GSS: variants seen among roughly 807,000 people sequenced by gnomAD.
GSS encodes glutathione synthetase, also known as GSH synthetase.
Under a neutral mutation model 60.4 loss-of-function variants are expected in GSS, and 34 were observed. The ratio of observed to expected loss-of-function variants is 0.56; its 90% CI spans 0.43 to 0.75. The LOEUF (loss-of-function observed/expected upper bound fraction) is 0.75. GSS is among the 30% of genes least tolerant of loss of function. The pLI is 0.00. For missense variants in GSS, 499 were observed against 595.1 expected, an observed-to-expected ratio of 0.84 and a Z score of 1.68; for synonymous variants, 224 against 239.0, an observed-to-expected ratio of 0.94 and a Z score of 0.58.
Position 34,928,921 on chromosome 20 carries a change from G to A in GSS, c.1332C>T (p.His444=), listed in dbSNP as rs141872946. The part of the protein sequence containing the change: ...RQEKTLVMNK[H]VGHLLRTKAI... The stretch of plus-strand genomic sequence containing the variant: ...CTTTGGTTCGAAGTAGATGCCCCAC[G>A]TGCTTGTTCATCACGAGTGTCTTTT... The change falls in exon 13 of 13, where the codon CAC becomes CAT. Residue 444 remains histidine (H), a synonymous_variant. Coordinates refer to ENST00000651619, the MANE Select transcript of GSS (RefSeq NM_000178.4). 26 of 1,613,526 alleles carry A rather than the reference G, an allele frequency of 1.6e-5. No homozygotes were observed. In the East Asian group the frequency reaches 2.5e-4, roughly 15 times the overall value.
intron 3 of GSS, among the ~76,000 whole-genome samples, chr20:34,943,572 T>C (rs1428351115): frequency 6.6e-6 from 1 of 152,164 alleles, no homozygotes. Context: ...AAGCTAAATA[T>C]CCTGGGTTTT....
chr20:34,931,890 C>A (rs775268860), intron 10 of GSS, 49 bp downstream of exon 10: 9 of 1,540,796 alleles, frequency 5.8e-6, no homozygotes, highest in Middle Eastern at 2.2e-4. Context: ...GGCTGTAGGT[C>A]TCTGCCACCT....
chr20:34,930,639 A>G (rs1214039491), intron 11 of GSS, among the ~76,000 whole-genome samples: 2 of 152,198 alleles, frequency 1.3e-5, no homozygotes, highest in Non-Finnish European at 1.5e-5. Flanking sequence ...TAAGTTTTGC[A>G]AGTTCCCACC....
intron 3 of GSS, 24 bp from the exon 4 acceptor site, chr20:34,943,030 T>C: frequency 6.4e-7 from 1 of 1,551,152 alleles, no homozygotes; most frequent in Non-Finnish European, 8.9e-7. Flanking sequence ...CAGAGAACAT[T>C]TTGCAGGCTT....
At position 34,951,823 on chromosome 20, in the gene GSS, C is replaced by T. The variant is rs1417810875; in HGVS notation, c.30G>A (p.Gln10=). ...CCAGCTCCTCTAGCTGCTGTTTATC[C>T]TGCAAGAGGCTCCCCCAGTTGGTGG... MATNWGSLL[Q]DKQQLEELAR... The change falls in exon 2 of 13, where the codon CAG becomes CAA. Residue 10 remains glutamine, a synonymous_variant. Coordinates refer to ENST00000651619, the MANE Select transcript of GSS (RefSeq NM_000178.4). The T allele has an allele frequency of 6.2e-7, 1 of 1,614,090 alleles. No individual in the cohort carries two copies. Among genetic ancestry groups the T allele is most frequent in the East Asian group, 2.2e-5 (1 of 44,886 alleles).
intron 3 of GSS, among the ~76,000 whole-genome samples, chr20:34,944,201 A>G (rs1231239316): frequency 6.6e-6 from 1 of 152,164 alleles, no homozygotes; most frequent in Admixed American, 6.5e-5. Flanking sequence ...GCTCCCCTTC[A>G]TGTTTTGTAG....
chr20:34,945,064 A>C (rs1197317424), intron 3 of GSS, among the ~76,000 whole-genome samples: 1 of 151,612 alleles, frequency 6.6e-6, no homozygotes, highest in East Asian at 1.9e-4. Flanking sequence ...TCTGTCGCCC[A>C]GGCTGGAGTA....
Position 34,946,080 on chromosome 20 carries a change from A to G in GSS, c.148T>C (p.Phe50Leu). Residue 50 changes from phenylalanine to leucine, a missense_variant, in exon 3 of 13, where the codon TTC becomes CTC. Coordinates refer to ENST00000651619, the MANE Select transcript of GSS (RefSeq NM_000178.4). ...GGGACCAGTGAGGGGAAGAGCGTGA[A>G]TGGGGCATAGCTCACCACCTGTGAT... is the stretch of plus-strand genomic sequence containing the variant. Reference protein sequence around the residue: ...TSSEVVSYAPFTLFPSLVPSA... With the variant: ...TSSEVVSYAPLTLFPSLVPSA... 6.2e-7 allele frequency: 1 copy of G among 1,613,592 alleles called. No homozygotes were observed. The highest frequency in any genetic ancestry group is 8.5e-7 in the Non-Finnish European group (1 of 1,179,684).
chr20:34,953,873 C>T (rs1339416189), intron 1 of GSS, among the ~76,000 whole-genome samples: 1 of 152,210 alleles, frequency 6.6e-6, no homozygotes, highest in African/African-American at 2.4e-5. Context: ...TCCCAAAGTG[C>T]TGGGATTACA....
chr20:34,943,282 T>G (rs1409874889), intron 3 of GSS, among the ~76,000 whole-genome samples: 1 of 152,176 alleles, frequency 6.6e-6, no homozygotes, highest in African/African-American at 2.4e-5. Context: ...ATAATTATAT[T>G]TATATCATAG....
chr20:34,935,700 T>C, intron 8 of GSS, 58 bp from the exon 9 acceptor site: 2 of 1,303,740 alleles, frequency 1.5e-6, no homozygotes, highest in Non-Finnish European at 2.2e-6. Context: ...TGTTCAGTGG[T>C]TCAATCTATT....
In GSS at chr20:34,942,969, C is replaced by T; in HGVS notation, c.313G>A (p.Asp105Asn). The part of the protein sequence containing the change: ...KQDDFTARLF[D>N]IHKQVLKEGI... ...TCTTTTAGGACTTGCTTGTGGATGT[C>T]AAAGAGACGAGCGGTAAAGTCATCC... Residue 105 changes from aspartate to asparagine, a missense_variant, in exon 4 of 13, where the codon GAC becomes AAC. Physicochemically the swap from Asp to Asn is conservative, Grantham distance 23. Transcript: ENST00000651619. 1 of 1,612,272 alleles carries T rather than the reference C, an allele frequency of 6.2e-7. No individual in the cohort carries two copies. Among genetic ancestry groups the T allele is most frequent in the Non-Finnish European group, 8.5e-7 (1 of 1,178,932 alleles).
chr20:34,944,269 G>A (rs2081505098), intron 3 of GSS, among the ~76,000 whole-genome samples: 1 of 152,184 alleles, frequency 6.6e-6, no homozygotes, highest in South Asian at 2.1e-4. Context: ...GAGAGGAACA[G>A]AGAAGGCAGG....
At chr20:34,946,168 A>T in intron 2 of GSS, 70 bp from the exon 3 acceptor site, 1 of 1,326,860 alleles carries the variant, frequency 7.5e-7, no homozygotes, top group Non-Finnish European at 1.1e-6. Flanking sequence ...TGCAAATGGA[A>T]TCCCATGGAA....
intron 2 of GSS, among the ~76,000 whole-genome samples, chr20:34,947,825 C>G (rs1263776980): frequency 6.6e-6 from 1 of 151,628 alleles, no homozygotes; most frequent in Non-Finnish European, 1.5e-5. Context: ...AATATACATT[C>G]TAGATATTTT....
In GSS at chr20:34,932,108, T is replaced by G; in HGVS notation, c.860A>C (p.Glu287Ala). ...LQNWEARLLL[E>A]RSHAAKCPDI... is the part of the protein sequence containing the mutation. Reference sequence around the variant, plus strand: ...TGGGCACTTGGCAGCATGTGACCTCTCCAGCAGTAGACGTGCTTCCCAATT... The same window carrying G: ...TGGGCACTTGGCAGCATGTGACCTCGCCAGCAGTAGACGTGCTTCCCAATT... Residue 287 changes from glutamate to alanine, a missense_variant, in exon 10 of 13, where the codon GAG (glutamate) becomes GCG (alanine). Glu to Ala is a moderately radical substitution (Grantham distance 107). Coordinates refer to ENST00000651619, the MANE Select transcript of GSS (RefSeq NM_000178.4). 2 of 1,613,982 alleles carry G rather than the reference T, an allele frequency of 1.2e-6. No homozygotes were observed. The highest frequency in any genetic ancestry group is 2.7e-5 in the African/African-American group (2 of 75,062).
At chr20:34,951,627 A>C in intron 2 of GSS, 97 bp downstream of exon 2, 7 of 1,349,328 alleles carry the variant, frequency 5.2e-6, no homozygotes, top group Non-Finnish European at 6.2e-6. Flanking sequence ...ATAAGGCAAA[A>C]GAGATATGGT....
intron 4 of GSS, 23 bp downstream of exon 4, chr20:34,942,907 TG>T: frequency 6.6e-7 from 1 of 1,509,940 alleles, no homozygotes; most frequent in South Asian, 1.1e-5. Flanking sequence ...GGTTACAGAC[TG>T]GAGTAGGGCT....
intron 2 of GSS, among the ~76,000 whole-genome samples, chr20:34,948,432 T>C (rs781726789): frequency 2.0e-5 from 3 of 152,184 alleles, no homozygotes; most frequent in Non-Finnish European, 4.4e-5. Context: ...TTCTCTGCTA[T>C]CTACAGGCTA....
Sources: gnomAD v4.1 joint callset for allele counts (sites outside exome capture counted in the v4.1 genomes callset) on GRCh38, gnomAD v4.1.1 for gene constraint, MANE v1.5 for transcripts, NCBI Gene and HGNC (gene_info 2026-07-23, HGNC 2026-07-21) for gene names.